FHOD3: variants seen among roughly 807,000 people sequenced by gnomAD.
The protein encoded by FHOD3 is FH1/FH2 domain-containing protein 3.
A neutral mutation model predicts 173.0 loss-of-function variants in FHOD3; 90 were observed. That is an observed-to-expected ratio of 0.52 (90% CI 0.44 to 0.62). The LOEUF is 0.62. Ranked by LOEUF, FHOD3 falls within the 20% of genes least tolerant of loss-of-function variation. The pLI, the probability that FHOD3 is intolerant of heterozygous loss-of-function variation, is 0.00. For synonymous variants in FHOD3, 828 were observed against 823.0 expected (o/e 1.01, Z -0.10); for missense variants, 1,945 against 2,034.7 (o/e 0.96, Z 0.85).
intron 17 of FHOD3, among the ~76,000 whole-genome samples, chr18:36,698,034 C>T (rs984539152): frequency 1.3e-5 from 2 of 152,182 alleles, no homozygotes; most frequent in African/African-American, 4.8e-5. Flanking sequence ...TATTGTCCAT[C>T]ATCAGCCTAA....
At chr18:36,639,273 G>C (rs953344636) in intron 10 of FHOD3, among the ~76,000 whole-genome samples, 1 of 152,176 alleles carries the variant, frequency 6.6e-6, no homozygotes, top group South Asian at 2.1e-4. Flanking sequence ...CCGGCGTGGT[G>C]GCTCACGCCT....
chr18:36,313,643 A>C lies in FHOD3; in HGVS notation c.165+15643A>C, dbSNP rs555461061. 9.2e-5 allele frequency among the ~76,000 whole-genome samples: 14 copies of C among 152,310 alleles called. No homozygotes were observed. The South Asian group carries it at 2.9e-3, about 32-fold the overall frequency. ...TGCAGAGCAGTTTCCCCTGGTATGG[A>C]TATCCCACAGTTTGTTCATCCATTC... On this transcript the variant is annotated intron_variant, in intron 1 of 28. Transcript: ENST00000590592.
intron 5 of FHOD3, among the ~76,000 whole-genome samples, chr18:36,524,281 CAAAA>C (rs34510109): frequency 5.4e-5 from 6 of 111,906 alleles, no homozygotes; most frequent in Admixed American, 9.0e-5. Context: ...GGCTCTACCT[CAAAA>C]AAAAAAAAAA....
At chr18:36,492,189 T>C (rs985393127) in intron 3 of FHOD3, among the ~76,000 whole-genome samples, 1 of 152,166 alleles carries the variant, frequency 6.6e-6, no homozygotes, top group African/African-American at 2.4e-5. Flanking sequence ...GGACACTATT[T>C]TCTCTTCCTC....
At chr18:36,727,082 G>A (rs1452024855) in intron 19 of FHOD3, among the ~76,000 whole-genome samples, 4 of 152,158 alleles carry the variant, frequency 2.6e-5, no homozygotes, top group African/African-American at 7.2e-5. Flanking sequence ...GGGGTTCTGG[G>A]TGGTCAGGCC....
intron 7 of FHOD3, among the ~76,000 whole-genome samples, chr18:36,599,629 C>A (rs780968199): frequency 6.6e-6 from 1 of 152,166 alleles, no homozygotes; most frequent in South Asian, 2.1e-4. Context: ...AGCTAAATAC[C>A]TTATTTTCCT....
chr18:36,733,051 C>T (rs2041451874), intron 20 of FHOD3, among the ~76,000 whole-genome samples: 1 of 152,194 alleles, frequency 6.6e-6, no homozygotes, highest in Non-Finnish European at 1.5e-5. Context: ...TTGCCGACCT[C>T]CCAGTAGAGA....
At chr18:36,695,536 T>C (rs1455921892) in intron 17 of FHOD3, among the ~76,000 whole-genome samples, 1 of 152,156 alleles carries the variant, frequency 6.6e-6, no homozygotes, top group Non-Finnish European at 1.5e-5. Context: ...GTTTGCTTTT[T>C]TCCTGGAAAA....
intron 17 of FHOD3, among the ~76,000 whole-genome samples, chr18:36,694,671 C>T (rs1211700371): frequency 6.6e-6 from 1 of 152,158 alleles, no homozygotes; most frequent in Non-Finnish European, 1.5e-5. Flanking sequence ...GCACTTTATC[C>T]TGGGACGTTT....
chr18:36,515,445 C>A (rs2146416129), intron 5 of FHOD3, among the ~76,000 whole-genome samples: 1 of 152,300 alleles, frequency 6.6e-6, no homozygotes, highest in East Asian at 1.9e-4. Context: ...ATCTTGATCT[C>A]CTGACCTCGT....
chr18:36,760,382 T>C (rs1392020601), intron 26 of FHOD3, among the ~76,000 whole-genome samples: 3 of 152,156 alleles, frequency 2.0e-5, no homozygotes, highest in African/African-American at 7.2e-5. Context: ...AATGGATGAA[T>C]GGGTGGTGGT....
intron 5 of FHOD3, among the ~76,000 whole-genome samples, chr18:36,523,901 C>G (rs1386149205): frequency 6.6e-6 from 1 of 152,192 alleles, no homozygotes; most frequent in Non-Finnish European, 1.5e-5. Context: ...TGTCTTCTTT[C>G]AGCTTCAAAG....
At chr18:36,642,569 C>CG (rs1485486036) in intron 10 of FHOD3, among the ~76,000 whole-genome samples, 1 of 114,326 alleles carries the variant, frequency 8.7e-6, no homozygotes, top group Non-Finnish European at 1.6e-5. Context: ...GGCAAAAGAG[C>CG]GAGACTCCGT....
At chr18:36,510,441 A>G (rs1189902639) in intron 4 of FHOD3, among the ~76,000 whole-genome samples, 1 of 152,094 alleles carries the variant, frequency 6.6e-6, no homozygotes, top group African/African-American at 2.4e-5. Context: ...TTCAGTTCTG[A>G]ATGATTTTTA....
At chr18:36,386,001 T>C (rs1487565722) in intron 3 of FHOD3, among the ~76,000 whole-genome samples, 1 of 152,228 alleles carries the variant, frequency 6.6e-6, no homozygotes, top group Non-Finnish European at 1.5e-5. Flanking sequence ...ACTTTAAAGT[T>C]GAAACGTTAT....
chr18:36,748,155 C>T (rs2042233212), intron 24 of FHOD3, among the ~76,000 whole-genome samples: 1 of 152,130 alleles, frequency 6.6e-6, no homozygotes, highest in South Asian at 2.1e-4. Flanking sequence ...AACTATCCGT[C>T]AGTCAGTTCT....
In FHOD3 at chr18:36,606,081, G is replaced by A. The variant is rs143980468; in HGVS notation, c.813+3313G>A. 9.0e-3 allele frequency among the ~76,000 whole-genome samples: 1,369 copies of A among 152,278 alleles called. 9 individuals are homozygous for A. Among genetic ancestry groups the A allele is most frequent in the Non-Finnish European group, 0.014 (956 of 68,014 alleles). ...GTGTTCAGGGAAAGCAGGACCCCAGGAAGCCATGGGGAGAGGAGTTGTTCA... is the reference window on the plus strand; with the variant it reads ...GTGTTCAGGGAAAGCAGGACCCCAGAAAGCCATGGGGAGAGGAGTTGTTCA... On this transcript the variant is annotated intron_variant, in intron 8 of 28. Transcript: ENST00000590592.
chr18:36,380,113 C>G (rs1414218784), intron 3 of FHOD3, among the ~76,000 whole-genome samples: 1 of 151,966 alleles, frequency 6.6e-6, no homozygotes, highest in Non-Finnish European at 1.5e-5. Flanking sequence ...GAAACTGCTA[C>G]CAGTTCAAGA....
chr18:36,649,443 G>C, intron 11 of FHOD3, 38 bp downstream of exon 11: 2 of 1,462,214 alleles, frequency 1.4e-6, no homozygotes, highest in Admixed American at 2.0e-5. Context: ...CACACTAAAA[G>C]TGGGAGACTC....
Sources: allele counts gnomAD v4.1 joint callset (sites outside exome capture counted in the v4.1 genomes callset), GRCh38; gene constraint gnomAD v4.1.1; transcripts MANE v1.5; gene names NCBI Gene and HGNC (gene_info 2026-07-23, HGNC 2026-07-21).